CPNE5: variants seen among roughly 807,000 people sequenced by gnomAD.
CPNE5 encodes the protein copine 5, also known as copine-5.
CPNE5 carries 42 observed loss-of-function variants against 81.1 expected under a neutral mutation model. The ratio of observed to expected loss-of-function variants is 0.52; its 90% CI spans 0.40 to 0.67. CPNE5 has a LOEUF of 0.67. Ranked by LOEUF, CPNE5 falls within the 30% of genes least tolerant of loss-of-function variation. CPNE5 has a pLI of 0.00. For synonymous variants in CPNE5, 313 were observed against 321.5 expected, an observed-to-expected ratio of 0.97 and a Z score of 0.28; for missense variants, 612 against 815.5, an observed-to-expected ratio of 0.75 and a Z score of 3.04.
At chr6:36,781,810 C>T (rs1333054563) in intron 8 of CPNE5, among the ~76,000 whole-genome samples, 1 of 152,228 alleles carries the variant, frequency 6.6e-6, no homozygotes, top group African/African-American at 2.4e-5. Flanking sequence ...CCCCGTGTGA[C>T]TACACAGGCC....
At chr6:36,837,987 T>C (rs1274303979) in intron 1 of CPNE5, among the ~76,000 whole-genome samples, 1 of 152,050 alleles carries the variant, frequency 6.6e-6, no homozygotes, top group Non-Finnish European at 1.5e-5. Flanking sequence ...CCTGACGGCA[T>C]GGTGTATGGG....
intron 1 of CPNE5, among the ~76,000 whole-genome samples, chr6:36,829,205 G>A (rs576944626): frequency 1.7e-4 from 26 of 152,230 alleles, no homozygotes; most frequent in Admixed American, 7.9e-4. Flanking sequence ...AGGTAGAAAC[G>A]GGAATCCTGG....
intron 4 of CPNE5, 87 bp from the exon 5 acceptor site, chr6:36,798,581 G>T: frequency 8.2e-7 from 1 of 1,225,622 alleles, no homozygotes; most frequent in Non-Finnish European, 1.2e-6. Flanking sequence ...CAGGGCCCCT[G>T]TCCCCCAAAA....
intron 8 of CPNE5, among the ~76,000 whole-genome samples, chr6:36,787,866 G>C (rs1464121593): frequency 6.6e-6 from 1 of 152,010 alleles, no homozygotes; most frequent in African/African-American, 2.4e-5. Flanking sequence ...CAGGTGGAAG[G>C]ACCTGACTAG....
rs755550947 is a variant in CPNE5, at chr6:36,798,165, G to T, written c.404C>A (p.Thr135Lys). The T allele has an allele frequency of 1.9e-6, 3 of 1,613,192 alleles. No homozygotes were observed. The highest frequency in any genetic ancestry group is 2.5e-6 in the Non-Finnish European group (3 of 1,179,486). Residue 135 changes from threonine to lysine, a missense_variant and splice_region_variant, in exon 6 of 21, where the codon ACG becomes AAG. Coordinates refer to ENST00000244751, the MANE Select transcript of CPNE5 (RefSeq NM_020939.2). The part of the protein sequence containing the change: ...SPGSRLEKPL[T>K]IGAFSLNSRT... ...CTGGGAAAGCAACCCAGACACTCAC[G>T]TGAGGGGCTTTTCCAGGCGGCTCCC... is the stretch of plus-strand genomic sequence containing the variant.
At chr6:36,827,605 ACAC>A in intron 1 of CPNE5, 1 of 985,332 alleles carries the variant, frequency 1.0e-6, no homozygotes. Flanking sequence ...CACAACACAC[ACAC>A]GTGTAGCACC....
intron 1 of CPNE5, among the ~76,000 whole-genome samples, chr6:36,829,865 AAAAAT>A (rs199568495): frequency 0.091 from 13,151 of 144,596 alleles, 875 homozygotes; most frequent in East Asian, 0.2. Flanking sequence ...AAAAAAAAAA[AAAAAT>A]ACCCAACAGG....
chr6:36,794,648 T>A lies in CPNE5; in HGVS notation c.406A>T (p.Ile136Leu). Residue 136 changes from isoleucine (I) to leucine (L), a missense_variant and splice_region_variant, in exon 7 of 21, where the codon ATA becomes TTA. Coordinates refer to ENST00000244751, the MANE Select transcript of CPNE5 (RefSeq NM_020939.2). ...CTGGAATTCAGGCTGAATGCGCCTA[T>A]CCTGTGGAGAGAGAGGGGGAGAGAG... Reference protein sequence around the residue: ...PGSRLEKPLTIGAFSLNSRTG... With the variant: ...PGSRLEKPLTLGAFSLNSRTG... The A allele has an allele frequency of 6.2e-7, 1 of 1,613,526 alleles. No individual in the cohort carries two copies. Among genetic ancestry groups the A allele is most frequent in the Admixed American group, 1.7e-5 (1 of 59,942 alleles).
At chr6:36,801,471 G>A (rs931473435) in intron 3 of CPNE5, among the ~76,000 whole-genome samples, 1 of 152,130 alleles carries the variant, frequency 6.6e-6, no homozygotes, top group Non-Finnish European at 1.5e-5. Flanking sequence ...GAATGGGCAC[G>A]ATTCTAGGCC....
chr6:36,827,426 C>T (rs1476734232), intron 1 of CPNE5: 1 of 985,306 alleles, frequency 1.0e-6, no homozygotes, highest in Non-Finnish European at 1.2e-6. Context: ...TCCTTGGGCT[C>T]TGTTCCAAGT....
intron 10 of CPNE5, among the ~76,000 whole-genome samples, chr6:36,765,961 A>C (rs967044874): frequency 4.6e-5 from 7 of 152,228 alleles, no homozygotes; most frequent in African/African-American, 1.7e-4. Context: ...TGCTTTAATT[A>C]GTTTGTTTTG....
chr6:36,801,944 G>A (rs1770138962), intron 3 of CPNE5, among the ~76,000 whole-genome samples: 1 of 152,146 alleles, frequency 6.6e-6, no homozygotes, highest in Non-Finnish European at 1.5e-5. Flanking sequence ...GATGCGGCTG[G>A]GCGCGGTGGC....
intron 1 of CPNE5, chr6:36,827,843 AG>A: frequency 1.3e-6 from 1 of 788,226 alleles, no homozygotes. Context: ...GAGAGCACAA[AG>A]AGAAATTTTT....
intron 14 of CPNE5, among the ~76,000 whole-genome samples, chr6:36,751,794 C>CA (rs1764856475): frequency 2.1e-5 from 3 of 144,508 alleles, no homozygotes; most frequent in African/African-American, 5.0e-5. Flanking sequence ...GACTCTGTCT[C>CA]AAAAAATAAA....
At chr6:36,763,663 G>A (rs1766276062) in intron 11 of CPNE5, among the ~76,000 whole-genome samples, 1 of 151,836 alleles carries the variant, frequency 6.6e-6, no homozygotes. Flanking sequence ...GGCATTTGTG[G>A]GTAAGTGGGA....
At chr6:36,826,971 G>C (rs1411636876) in intron 1 of CPNE5, among the ~76,000 whole-genome samples, 3 of 152,170 alleles carry the variant, frequency 2.0e-5, no homozygotes, top group African/African-American at 7.2e-5. Context: ...CGTCAGCCTT[G>C]TCAGACAGGT....
intron 1 of CPNE5, among the ~76,000 whole-genome samples, chr6:36,828,363 C>T (rs1019091091): frequency 3.3e-5 from 5 of 151,216 alleles, no homozygotes; most frequent in Non-Finnish European, 5.9e-5. Flanking sequence ...GTGTACCATC[C>T]GAGAGGGAGA....
At chr6:36,755,864 C>A in intron 13 of CPNE5, 1 of 235,346 alleles carries the variant, frequency 4.2e-6, no homozygotes, top group South Asian at 8.3e-5. Flanking sequence ...GCCTTGGTTT[C>A]CTCTTTCATG....
intron 1 of CPNE5, among the ~76,000 whole-genome samples, chr6:36,823,804 C>T (rs191233780): frequency 5.9e-5 from 9 of 152,310 alleles, no homozygotes; most frequent in South Asian, 4.1e-4. Context: ...TCAGGCAGTG[C>T]GCTGTTTTAC....
Sources: allele counts gnomAD v4.1 joint callset (sites outside exome capture counted in the v4.1 genomes callset), GRCh38; gene constraint gnomAD v4.1.1; transcripts MANE v1.5; gene names NCBI Gene and HGNC (gene_info 2026-07-23, HGNC 2026-07-21).